The following ADGRG1 variants were observed in gnomAD, a reference collection of about 807,000 sequenced individuals.
ADGRG1 encodes the protein adhesion G protein-coupled receptor G1.
Under a neutral mutation model 73.5 loss-of-function variants are expected in ADGRG1, and 53 were observed. The observed-to-expected ratio is 0.72, with a 90% CI of 0.58 to 0.91. The LOEUF is 0.91. Among genes scored for constraint, ADGRG1 ranks in the 40% least tolerant of loss-of-function variants. ADGRG1 has a pLI of 0.00. For synonymous variants in ADGRG1, 394 were observed against 374.4 expected, an observed-to-expected ratio of 1.05 and a Z score of -0.60; for missense variants, 795 against 871.8, an observed-to-expected ratio of 0.91 and a Z score of 1.11.
intron 1 of ADGRG1, chr16:57,634,928 C>G: frequency 1.0e-6 from 1 of 984,188 alleles, no homozygotes; most frequent in Non-Finnish European, 1.2e-6. Context: ...GGCTGTCTGG[C>G]AAGGTTCTTC....
rs777423319 is a variant in ADGRG1 at position 57,663,599 on chromosome 16, C to T, written c.*17C>T. The stretch of plus-strand genomic sequence containing the variant: ...CGCATCTAGGCCTCCAGCCCACCTG[C>T]CCATGTGATGAAGCAGAGATTCGGC... On this transcript the variant is annotated 3_prime_UTR_variant, in exon 14 of 14. Transcript: ENST00000562631. The T allele has an allele frequency of 6.2e-7, 1 of 1,611,290 alleles. No individual in the cohort carries two copies. Among genetic ancestry groups the T allele is most frequent in the Non-Finnish European group, 8.5e-7 (1 of 1,179,588 alleles).
chr16:57,637,431 G>A (rs1479414925), intron 1 of ADGRG1: 1 of 985,234 alleles, frequency 1.0e-6, no homozygotes, highest in Non-Finnish European at 1.2e-6. Context: ...AGTGCCAAGT[G>A]TATGTAAAAG....
chr16:57,621,902 G>C (rs1462322778), intron 2 of ADGRG1: 3 of 982,946 alleles, frequency 3.1e-6, no homozygotes. Flanking sequence ...CAGGAAGGGA[G>C]GTTTCTACAG....
intron 1 of ADGRG1, chr16:57,640,290 G>A (rs1385317260): frequency 6.6e-6 from 1 of 152,228 alleles, no homozygotes; most frequent in Non-Finnish European, 1.5e-5. Context: ...AGGGAAATAG[G>A]CTTGCAGATG....
At chr16:57,657,923 G>C (rs1164458259) in intron 10 of ADGRG1, among the ~76,000 whole-genome samples, 1 of 151,944 alleles carries the variant, frequency 6.6e-6, no homozygotes, top group Middle Eastern at 3.4e-3. Flanking sequence ...TATATTTTTA[G>C]TAGAGACGGG....
intron 2 of ADGRG1, chr16:57,621,939 C>T: frequency 1.1e-6 from 1 of 878,058 alleles, no homozygotes; most frequent in Non-Finnish European, 1.4e-6. Flanking sequence ...TTCTGCTGCC[C>T]TCTCCACTGG....
In ADGRG1 at chr16:57,656,564, G is replaced by A; in HGVS notation, c.1114G>A (p.Glu372Lys). ...TGCTGGGTGTGAGACCGTCAGGAGAGAAACCCAAACATCCTGCTTCTGCAA... is the reference window on the plus strand; with the variant it reads ...TGCTGGGTGTGAGACCGTCAGGAGAAAAACCCAAACATCCTGCTTCTGCAA... Reference protein sequence around the residue: ...SSAGCETVRRETQTSCFCNHL... With the variant: ...SSAGCETVRRKTQTSCFCNHL... The change falls in exon 9 of 14, where the codon GAA (glutamate) becomes AAA (lysine). Residue 372 changes from glutamate (E) to lysine (K), a missense_variant. Glu to Lys is a moderately conservative substitution (Grantham distance 56). Transcript: ENST00000562631. 6.2e-7 allele frequency: 1 copy of A among 1,614,006 alleles called. No homozygotes were observed. The highest frequency in any genetic ancestry group is 8.5e-7 in the Non-Finnish European group (1 of 1,179,886).
At chr16:57,632,391 G>A (rs2038201432) in intron 1 of ADGRG1, 1 of 868,182 alleles carries the variant, frequency 1.2e-6, no homozygotes. Context: ...GTAAACTGTG[G>A]ATCACAATCA....
chr16:57,659,945 G>C (rs78497453), intron 11 of ADGRG1, among the ~76,000 whole-genome samples: 127 of 152,336 alleles, frequency 8.3e-4, no homozygotes, highest in Admixed American at 6.2e-3. Flanking sequence ...CACCGTGTGT[G>C]AATGTGCAGG....
intron 2 of ADGRG1, 40 bp from the exon 3 acceptor site, chr16:57,651,160 C>A: frequency 6.2e-7 from 1 of 1,612,680 alleles, no homozygotes; most frequent in Non-Finnish European, 8.5e-7. Flanking sequence ...TCTGGTCAGC[C>A]CCTGCCACGG....
At chr16:57,662,632 A>T (rs1475046240) in intron 13 of ADGRG1, among the ~76,000 whole-genome samples, 1 of 151,756 alleles carries the variant, frequency 6.6e-6, no homozygotes, top group Non-Finnish European at 1.5e-5. Context: ...AAAGATCCTG[A>T]GGTTGGAACC....
chr16:57,633,855 G>T (rs112451862), intron 1 of ADGRG1, among the ~76,000 whole-genome samples: 1 of 152,222 alleles, frequency 6.6e-6, no homozygotes, highest in Non-Finnish European at 1.5e-5. Flanking sequence ...CCAATCCTGT[G>T]ACAGCTTCCC....
At chr16:57,637,696 C>T (rs1430606587) in intron 1 of ADGRG1, 1 of 985,262 alleles carries the variant, frequency 1.0e-6, no homozygotes, top group South Asian at 4.7e-5. Context: ...ACAATAGCAG[C>T]CTCCTGACTG....
intron 1 of ADGRG1, chr16:57,632,896 C>G (rs1036140285): frequency 1.0e-6 from 1 of 985,298 alleles, no homozygotes; most frequent in African/African-American, 1.7e-5. Context: ...AAAAGTTCTG[C>G]GGTGAATGGC....
intron 1 of ADGRG1, chr16:57,648,387 CCTT>C (rs1226100295): frequency 8.2e-5 from 75 of 914,938 alleles, no homozygotes; most frequent in Non-Finnish European, 9.3e-5. Flanking sequence ...ACTTTCACAT[CCTT>C]CTTCTCAAAG....
Position 57,654,100 on chromosome 16 carries a change from C to A in ADGRG1, c.735C>A (p.Gly245=). The A allele has an allele frequency of 1.2e-6, 2 of 1,613,604 alleles. No homozygotes were observed. Among genetic ancestry groups the A allele is most frequent in the Non-Finnish European group, 8.5e-7 (1 of 1,180,014 alleles). The change falls in exon 5 of 14, where the codon GGC becomes GGA. Residue 245 remains glycine (G), a synonymous_variant. Transcript: ENST00000562631. The part of the protein sequence containing the change: ...ATVWKLQPTA[G]LQDLHIHSRQ... ...TGTGGAAGCTCCAGCCCACAGCCGG[C>A]CTCCAGGACCTGCACATCCACTCCC...
At chr16:57,636,589 G>A in intron 1 of ADGRG1, 1 of 985,034 alleles carries the variant, frequency 1.0e-6, no homozygotes, top group Non-Finnish European at 1.2e-6. Flanking sequence ...AGCCTGAGTG[G>A]CACTTTTGGG....
intron 1 of ADGRG1, chr16:57,639,239 C>A: frequency 5.1e-6 from 5 of 985,286 alleles, no homozygotes; most frequent in Non-Finnish European, 6.0e-6. Context: ...CTGTCCTAAC[C>A]CCTGCCCTCC....
At chr16:57,633,174 C>A (rs2038451238) in intron 1 of ADGRG1, 4 of 380,732 alleles carry the variant, frequency 1.1e-5, no homozygotes, top group Non-Finnish European at 1.4e-5. Flanking sequence ...ACAATACATC[C>A]CTTTGCAGGG....
Sources: gnomAD v4.1 joint callset for allele counts (sites outside exome capture counted in the v4.1 genomes callset) on GRCh38, gnomAD v4.1.1 for gene constraint, MANE v1.5 for transcripts, NCBI Gene and HGNC (gene_info 2026-07-23, HGNC 2026-07-21) for gene names.